Variants in SMYD3 observed in about 807,000 individuals in gnomAD.
SMYD3 encodes the protein histone-lysine N-methyltransferase SMYD3.
SMYD3 carries 36 observed loss-of-function variants against 57.7 expected under a neutral mutation model. The ratio of observed to expected loss-of-function variants is 0.62; its 90% CI spans 0.48 to 0.82. The LOEUF (loss-of-function observed/expected upper bound fraction) is 0.82. Ranked by LOEUF, SMYD3 falls within the 40% of genes least tolerant of loss-of-function variation. SMYD3 has a pLI of 0.00. For missense variants in SMYD3, 515 were observed against 538.8 expected, an observed-to-expected ratio of 0.96 and a Z score of 0.44; for synonymous variants, 211 against 195.0, an observed-to-expected ratio of 1.08 and a Z score of -0.68.
At chr1:245,807,098 CACCCACAGGCTGCATGGTGCAACTGGG>C (rs2148271078) in intron 10 of SMYD3, among the ~76,000 whole-genome samples, 1 of 152,116 alleles carries the variant, frequency 6.6e-6, no homozygotes, top group South Asian at 2.1e-4. Context: ...TCCCACGCAG[CACCCACAGGCTGCATGGTGCAACTGGG>C]AGGCTTGCTG....
At chr1:246,213,124 G>A (rs754013763) in intron 5 of SMYD3, among the ~76,000 whole-genome samples, 1 of 152,140 alleles carries the variant, frequency 6.6e-6, no homozygotes, top group Non-Finnish European at 1.5e-5. Flanking sequence ...ATTCTGTCAA[G>A]GGAAATTAGT....
At chr1:246,497,519 T>C (rs1027245684) in intron 1 of SMYD3, among the ~76,000 whole-genome samples, 1 of 152,166 alleles carries the variant, frequency 6.6e-6, no homozygotes, top group Non-Finnish European at 1.5e-5. Flanking sequence ...CACATCTGAT[T>C]AAGAGATAAT....
chr1:246,304,400 T>C (rs997167664), intron 5 of SMYD3, among the ~76,000 whole-genome samples: 1 of 152,038 alleles, frequency 6.6e-6, no homozygotes, highest in African/African-American at 2.4e-5. Flanking sequence ...GTAAAAATAA[T>C]AAACATGAAA....
At chr1:246,364,837 C>T (rs2066073054) in intron 1 of SMYD3, among the ~76,000 whole-genome samples, 1 of 152,196 alleles carries the variant, frequency 6.6e-6, no homozygotes, top group African/African-American at 2.4e-5. Flanking sequence ...TGTAACCACA[C>T]ACCACACTAC....
Position 246,239,151 on chromosome 1 carries a change from G to C in SMYD3, c.531+88050C>G, listed in dbSNP as rs151165449. 1.9e-3 allele frequency among the ~76,000 whole-genome samples: 295 copies of C among 152,160 alleles called. 1 individual carries two copies. The highest frequency in any genetic ancestry group is 7.0e-3 in the African/African-American group (289 of 41,512). ...CTAAGGTACATGTGCACAACGTGCA[G>C]GTTTGTTACATATGTATACATGTGC... On this transcript the variant is annotated intron_variant, in intron 5 of 11. Transcript: ENST00000490107.
chr1:246,117,591 A>G (rs1441153926), intron 5 of SMYD3, among the ~76,000 whole-genome samples: 1 of 151,774 alleles, frequency 6.6e-6, no homozygotes, highest in African/African-American at 2.4e-5. Flanking sequence ...TTTCCCTCCC[A>G]CTCCTGACCC....
chr1:245,921,550 T>C (rs1225144087), intron 7 of SMYD3, among the ~76,000 whole-genome samples: 3 of 6,684 alleles, frequency 4.5e-4, no homozygotes, highest in African/African-American at 9.9e-4. Context: ...AAATGTGGTG[T>C]ATATATATAT....
intron 10 of SMYD3, among the ~76,000 whole-genome samples, chr1:245,828,201 G>T (rs1325513197): frequency 2.6e-5 from 4 of 152,086 alleles, no homozygotes; most frequent in Non-Finnish European, 5.9e-5. Flanking sequence ...CCTTAAGACG[G>T]GCCAGGGAAA....
intron 5 of SMYD3, among the ~76,000 whole-genome samples, chr1:246,267,950 G>C (rs1028179148): frequency 6.6e-6 from 1 of 152,128 alleles, no homozygotes; most frequent in Admixed American, 6.5e-5. Context: ...ATGAGCCTGA[G>C]AGAGGACAGG....
chr1:246,266,349 G>A (rs529067191), intron 5 of SMYD3, among the ~76,000 whole-genome samples: 3 of 152,122 alleles, frequency 2.0e-5, no homozygotes, highest in South Asian at 2.1e-4. Flanking sequence ...TCCAAACTGC[G>A]TGACAGAATT....
At chr1:246,406,207 A>G in intron 1 of SMYD3, among the ~76,000 whole-genome samples, 1 of 152,072 alleles carries the variant, frequency 6.6e-6, no homozygotes, top group Non-Finnish European at 1.5e-5. Flanking sequence ...TACAGGTGTG[A>G]GCCACCGCGC....
chr1:245,790,882 T>G (rs1316046403), intron 10 of SMYD3, among the ~76,000 whole-genome samples: 1 of 152,208 alleles, frequency 6.6e-6, no homozygotes, highest in East Asian at 1.9e-4. Context: ...TTTTTCTGCT[T>G]ACTCTGCTTT....
In SMYD3 at chr1:245,814,839, C is replaced by T. The variant is rs148176473; in HGVS notation, c.1076+43657G>A. On this transcript the variant is annotated intron_variant, in intron 10 of 11. Coordinates refer to ENST00000490107, the MANE Select transcript of SMYD3 (RefSeq NM_001167740.2). ...ACACACACGCACGCACACACGCACA[C>T]ACATGCACGCACACACACGCAAGCA... Among the ~76,000 whole-genome samples the T allele has an allele frequency of 2.8e-4, 43 of 151,382 alleles. No individual in the cohort carries two copies. In the East Asian group the frequency reaches 8.1e-3, roughly 29 times the overall value.
chr1:246,230,126 G>A (rs766649230), intron 5 of SMYD3, among the ~76,000 whole-genome samples: 3 of 152,210 alleles, frequency 2.0e-5, no homozygotes, highest in East Asian at 1.9e-4. Flanking sequence ...GTAATTCACC[G>A]AACTTTTAGG....
At chr1:246,154,789 GTTT>G (rs56920133) in intron 5 of SMYD3, among the ~76,000 whole-genome samples, 1 of 144,050 alleles carries the variant, frequency 6.9e-6, no homozygotes, top group African/African-American at 2.6e-5. Context: ...TTTGTTTTTT[GTTT>G]TTTTTTTGAG....
At chr1:246,084,302 A>T (rs1315887819) in intron 5 of SMYD3, among the ~76,000 whole-genome samples, 5 of 151,844 alleles carry the variant, frequency 3.3e-5, no homozygotes, top group Admixed American at 6.6e-5. Context: ...TGCAGTCTCA[A>T]CATTCTGGGC....
At chr1:246,420,417 A>G (rs1020754504) in intron 1 of SMYD3, among the ~76,000 whole-genome samples, 12 of 152,222 alleles carry the variant, frequency 7.9e-5, no homozygotes, top group African/African-American at 2.7e-4. Flanking sequence ...ACATGTATTA[A>G]GCACCTACTT....
At chr1:245,965,556 C>T (rs10924414) in intron 5 of SMYD3, among the ~76,000 whole-genome samples, 21,283 of 152,054 alleles carry the variant, frequency 0.14, 1,842 homozygotes, top group East Asian at 0.41. Context: ...CATCACTAAA[C>T]AGAGATTAGT....
intron 5 of SMYD3, among the ~76,000 whole-genome samples, chr1:245,961,706 G>T (rs1474274906): frequency 6.6e-6 from 1 of 152,036 alleles, no homozygotes; most frequent in Non-Finnish European, 1.5e-5. Context: ...AGTGCTCTAA[G>T]GAACCTTTAG....
Sources: allele counts gnomAD v4.1 joint callset (sites outside exome capture counted in the v4.1 genomes callset), GRCh38; gene constraint gnomAD v4.1.1; transcripts MANE v1.5; gene names NCBI Gene and HGNC (gene_info 2026-07-23, HGNC 2026-07-21).